MAGI2: variants seen among roughly 807,000 people sequenced by gnomAD.
MAGI2 encodes the protein membrane-associated guanylate kinase, WW and PDZ domain-containing protein 2.
In MAGI2, 35 loss-of-function variants were observed where a neutral mutation model predicts 133.3. The ratio of observed to expected loss-of-function variants is 0.26; its 90% confidence interval spans 0.20 to 0.35. The LOEUF is 0.35. MAGI2 is among the 10% of genes least tolerant of loss of function. The pLI is 1.00. For missense variants in MAGI2, 1,636 were observed against 1,863.4 expected, an observed-to-expected ratio of 0.88 and a Z score of 2.25; for synonymous variants, 729 against 710.6, an observed-to-expected ratio of 1.03 and a Z score of -0.41.
chr7:78,580,459 T>A (rs889909374), intron 3 of MAGI2, among the ~76,000 whole-genome samples: 1 of 150,994 alleles, frequency 6.6e-6, no homozygotes, highest in Non-Finnish European at 1.5e-5. Context: ...TTCCTGTTGA[T>A]GTGTATTGTA....
rs142407517 is a variant in MAGI2, at chr7:78,062,891, C to T, written c.3706+16056G>A. On this transcript the variant is annotated intron_variant, in intron 21 of 21. Transcript: ENST00000354212. ...TTTCCTGTTAGCTTCCTGACATCAT[C>T]TCCCACCCAGCCCAGGGCCACAGTC... Among the ~76,000 whole-genome samples, 203 of 152,306 alleles carry T rather than the reference C, an allele frequency of 1.3e-3. 1 individual carries two copies. Among genetic ancestry groups the T allele is most frequent in the Non-Finnish European group, 2.0e-3 (139 of 68,030 alleles).
intron 3 of MAGI2, among the ~76,000 whole-genome samples, chr7:78,626,849 TG>T (rs1808411098): frequency 6.7e-6 from 1 of 150,196 alleles, no homozygotes; most frequent in African/African-American, 2.5e-5. Flanking sequence ...TGTGTGTGTG[TG>T]TGTGTGTGTG....
At chr7:78,792,620 A>C (rs2151373181) in intron 2 of MAGI2, among the ~76,000 whole-genome samples, 1 of 152,312 alleles carries the variant, frequency 6.6e-6, no homozygotes, top group African/African-American at 2.4e-5. Context: ...TCCTTCTTCT[A>C]TTATTTTATG....
At chr7:79,265,268 C>T (rs1278786375) in intron 1 of MAGI2, among the ~76,000 whole-genome samples, 1 of 152,012 alleles carries the variant, frequency 6.6e-6, no homozygotes, top group African/African-American at 2.4e-5. Context: ...GCCCTGAGTC[C>T]AACAATCAGT....
At chr7:78,854,217 GTAGT>G (rs1793426076) in intron 2 of MAGI2, among the ~76,000 whole-genome samples, 1 of 151,938 alleles carries the variant, frequency 6.6e-6, no homozygotes, top group Non-Finnish European at 1.5e-5. Flanking sequence ...TGTTAATTTT[GTAGT>G]TAAACTTTAG....
chr7:78,144,956 C>T (rs564499717), intron 16 of MAGI2, among the ~76,000 whole-genome samples: 2 of 152,144 alleles, frequency 1.3e-5, no homozygotes, highest in African/African-American at 4.8e-5. Flanking sequence ...TGTTCCACTC[C>T]CACTTATGAG....
intron 1 of MAGI2, among the ~76,000 whole-genome samples, chr7:79,297,575 T>C (rs1050592941): frequency 9.9e-5 from 15 of 152,196 alleles, no homozygotes; most frequent in Non-Finnish European, 1.6e-4. Context: ...ACTCTTCTAG[T>C]TGATGGGAAC....
At chr7:78,695,023 A>G (rs1358655337) in intron 2 of MAGI2, among the ~76,000 whole-genome samples, 1 of 152,136 alleles carries the variant, frequency 6.6e-6, no homozygotes, top group African/African-American at 2.4e-5. Context: ...CAGGAGATCG[A>G]CATCATCCTG....
chr7:78,947,155 A>C (rs944618952), intron 2 of MAGI2, among the ~76,000 whole-genome samples: 2 of 152,088 alleles, frequency 1.3e-5, no homozygotes, highest in African/African-American at 2.4e-5. Context: ...TAAAAACAAA[A>C]CAAAACAAAA....
chr7:78,878,129 C>T (rs1795567911), intron 2 of MAGI2, among the ~76,000 whole-genome samples: 1 of 152,124 alleles, frequency 6.6e-6, no homozygotes, highest in South Asian at 2.1e-4. Context: ...GAAGTAAAGA[C>T]CTTACCACAT....
At chr7:78,457,800 G>C (rs1789478679) in intron 6 of MAGI2, among the ~76,000 whole-genome samples, 1 of 152,186 alleles carries the variant, frequency 6.6e-6, no homozygotes, top group Non-Finnish European at 1.5e-5. Context: ...GCACAGACTA[G>C]TCAGTGTAAG....
At chr7:79,068,786 G>A (rs900576565) in intron 1 of MAGI2, among the ~76,000 whole-genome samples, 1 of 152,130 alleles carries the variant, frequency 6.6e-6, no homozygotes, top group Admixed American at 6.5e-5. Flanking sequence ...CTGGTACGTT[G>A]TGTCTTTGTT....
chr7:78,792,741 A>C (rs1787280481), intron 2 of MAGI2, among the ~76,000 whole-genome samples: 1 of 152,222 alleles, frequency 6.6e-6, no homozygotes, highest in Non-Finnish European at 1.5e-5. Context: ...GAAAAAAAGA[A>C]GTAATTCATA....
At chr7:78,623,845 G>A (rs1327558166) in intron 3 of MAGI2, among the ~76,000 whole-genome samples, 2 of 152,080 alleles carry the variant, frequency 1.3e-5, no homozygotes, top group Non-Finnish European at 1.5e-5. Context: ...AAGTTGTAAC[G>A]GAGCTGAAAA....
At chr7:78,376,551 G>C (rs1794464796) in intron 6 of MAGI2, among the ~76,000 whole-genome samples, 1 of 152,034 alleles carries the variant, frequency 6.6e-6, no homozygotes. Context: ...TTATGGGCTG[G>C]TTGTTGATGA....
At chr7:78,720,785 C>A (rs1820189883) in intron 2 of MAGI2, among the ~76,000 whole-genome samples, 1 of 151,970 alleles carries the variant, frequency 6.6e-6, no homozygotes, top group Non-Finnish European at 1.5e-5. Flanking sequence ...CATCAGAAAA[C>A]CAAATAATCA....
intron 2 of MAGI2, among the ~76,000 whole-genome samples, chr7:78,691,094 C>G (rs1253835642): frequency 1.3e-5 from 2 of 152,190 alleles, no homozygotes; most frequent in African/African-American, 4.8e-5. Flanking sequence ...ACCTCTGTGA[C>G]TTCTCACATG....
At chr7:79,436,945 T>C (rs1045721665) in intron 1 of MAGI2, among the ~76,000 whole-genome samples, 3 of 152,168 alleles carry the variant, frequency 2.0e-5, no homozygotes, top group African/African-American at 4.8e-5. Flanking sequence ...GGAATCAACC[T>C]ATATTCCCAT....
rs181134052 is a variant in MAGI2 at position 78,282,938 on chromosome 7, A to G, written c.1409-26357T>C. On this transcript the variant is annotated intron_variant, in intron 9 of 21. Coordinates refer to ENST00000354212, the MANE Select transcript of MAGI2 (RefSeq NM_012301.4). ...GAGCTATCAGATTCCATTATCCAAC[A>G]AAGTAAATATCTATGGAAATAATAT... Among the ~76,000 whole-genome samples the G allele has an allele frequency of 2.7e-3, 408 of 152,300 alleles. 1 individual carries two copies. The highest frequency in any genetic ancestry group is 9.5e-3 in the African/African-American group (397 of 41,590).
Sources: gnomAD v4.1 joint callset for allele counts (sites outside exome capture counted in the v4.1 genomes callset) on GRCh38, gnomAD v4.1.1 for gene constraint, MANE v1.5 for transcripts, NCBI Gene and HGNC (gene_info 2026-07-23, HGNC 2026-07-21) for gene names.